The following ZNF138 variants were observed in gnomAD, a reference collection of about 807,000 sequenced individuals.
The protein encoded by ZNF138 is zinc finger protein 138.
Under a neutral mutation model 33.0 loss-of-function variants are expected in ZNF138, and 33 were observed. The observed-to-expected ratio is 1.00, with a 90% confidence interval of 0.76 to 1.34. ZNF138 has a LOEUF of 1.34. ZNF138 is among the 40% of genes most tolerant of loss of function. The pLI is 0.00. For missense variants in ZNF138, 360 were observed against 370.8 expected, an observed-to-expected ratio of 0.97 and a Z score of 0.24; for synonymous variants, 139 against 120.4, an observed-to-expected ratio of 1.15 and a Z score of -1.01.
At chr7:64,828,778 T>C (rs1317375534) in intron 3 of ZNF138, among the ~76,000 whole-genome samples, 1 of 19,856 alleles carries the variant, frequency 5.0e-5, no homozygotes, top group African/African-American at 1.3e-4. Flanking sequence ...CCTCCGACAT[T>C]GTTCCTTTTT....
At chr7:64,817,998 T>TA (rs201397838) in intron 3 of ZNF138, among the ~76,000 whole-genome samples, 11 of 114,042 alleles carry the variant, frequency 9.6e-5, no homozygotes, top group African/African-American at 2.5e-4. Context: ...TTATTATTAT[T>TA]TTTTTTTTTT....
chr7:64,807,979 A>G (rs1366927325), intron 1 of ZNF138, among the ~76,000 whole-genome samples: 1 of 152,212 alleles, frequency 6.6e-6, no homozygotes, highest in East Asian at 1.9e-4. Flanking sequence ...GCCAATCAAG[A>G]CAGGTGATCC....
At chr7:64,839,180 G>T in the ZNF138 span, among the ~76,000 whole-genome samples, 1 of 152,178 alleles carries the variant, frequency 6.6e-6, no homozygotes, top group Non-Finnish European at 1.5e-5. Context: ...GTGTGCCTTC[G>T]GGGGGCCAGC....
the ZNF138 span, among the ~76,000 whole-genome samples, chr7:64,848,318 T>G: frequency 6.6e-6 from 1 of 152,126 alleles, no homozygotes; most frequent in African/African-American, 2.4e-5. Flanking sequence ...CATTCCAAAC[T>G]TCTTGGAAGC....
chr7:64,794,709 C>T lies in ZNF138; in HGVS notation c.3+138C>T. The T allele has an allele frequency of 3.9e-6, 5 of 1,276,292 alleles. No individual in the cohort carries two copies. The South Asian group carries it at 5.2e-5, about 13-fold the overall frequency. The allele number at this position is 1,276,292 out of a possible 1,614,324, so 79.1% of individuals were successfully genotyped here. A position where few individuals can be genotyped will look rare whatever the true frequency, so the allele number is the denominator to read the frequency against. ...GCCCCGAGTTCTTGGCACAGCTCGG[C>T]CCTCAGTCCCCTTAAGCCATAGCAT... On this transcript the variant is annotated intron_variant, in intron 1 of 3. Transcript: ENST00000307355.
intron 3 of ZNF138, among the ~76,000 whole-genome samples, chr7:64,820,834 G>A (rs1789066301): frequency 6.6e-6 from 1 of 151,320 alleles, no homozygotes; most frequent in Non-Finnish European, 1.5e-5. Context: ...AAAGTGTTGA[G>A]ATTACAGGCG....
the ZNF138 span, among the ~76,000 whole-genome samples, chr7:64,847,729 T>G: frequency 6.6e-6 from 1 of 152,192 alleles, no homozygotes; most frequent in Non-Finnish European, 1.5e-5. Flanking sequence ...TCCATTACCT[T>G]AAGTTTATGT....
chr7:64,825,770 C>T (rs1789556817), intron 3 of ZNF138, among the ~76,000 whole-genome samples: 1 of 152,066 alleles, frequency 6.6e-6, no homozygotes, highest in Non-Finnish European at 1.5e-5. Context: ...ATCTCCTGAC[C>T]TGGTGATCTG....
chr7:64,814,256 T>C (rs1315307073), intron 1 of ZNF138: 1 of 505,518 alleles, frequency 2.0e-6, no homozygotes, highest in African/African-American at 2.1e-5. Flanking sequence ...ACTTGAGAGG[T>C]ACCTTTTAAC....
the ZNF138 span, among the ~76,000 whole-genome samples, chr7:64,841,122 G>A: frequency 7.2e-5 from 11 of 151,856 alleles, no homozygotes; most frequent in South Asian, 6.2e-4. Context: ...TGTCTCTTAC[G>A]ATTTTTTCTT....
chr7:64,841,612 C>G, the ZNF138 span, among the ~76,000 whole-genome samples: 2 of 152,172 alleles, frequency 1.3e-5, no homozygotes, highest in African/African-American at 4.8e-5. Flanking sequence ...AAGAGAAACT[C>G]TGTTTCTTTT....
chr7:64,805,401 A>AAAAAC (rs747013268), intron 1 of ZNF138, among the ~76,000 whole-genome samples: 1 of 14,474 alleles, frequency 6.9e-5, no homozygotes, highest in African/African-American at 8.3e-5. Flanking sequence ...TCTGTCTCAA[A>AAAAAC]AAAACAAAAC....
downstream of ZNF138, among the ~76,000 whole-genome samples, chr7:64,834,194 G>C (rs982812771): frequency 1.3e-5 from 2 of 152,018 alleles, no homozygotes; most frequent in African/African-American, 4.8e-5. Flanking sequence ...TTATATCGGA[G>C]AAAAACTACA....
intron 1 of ZNF138, chr7:64,814,013 CAT>C (rs1788405717): frequency 8.5e-7 from 1 of 1,179,688 alleles, no homozygotes; most frequent in Admixed American, 4.0e-5. Flanking sequence ...GTTTCCTTTG[CAT>C]ATATCTGTCT....
chr7:64,838,300 G>T (rs1401643907), downstream of ZNF138, among the ~76,000 whole-genome samples: 3 of 152,206 alleles, frequency 2.0e-5, no homozygotes, highest in African/African-American at 7.2e-5. Context: ...TTAGGGCACG[G>T]GCGTGTTGGC....
chr7:64,860,007 C>T, the ZNF138 span, among the ~76,000 whole-genome samples: 4 of 152,176 alleles, frequency 2.6e-5, no homozygotes, highest in East Asian at 5.8e-4. Flanking sequence ...CATGGTGGCA[C>T]GCACCTATGA....
chr7:64,823,615 A>G (rs1303384564), intron 3 of ZNF138, among the ~76,000 whole-genome samples: 1 of 152,194 alleles, frequency 6.6e-6, no homozygotes, highest in Non-Finnish European at 1.5e-5. Flanking sequence ...GATTATAGGC[A>G]TGAACCACTG....
In ZNF138 at chr7:64,833,556, TTCAGAAAATG is replaced by T. The variant is rs1327673582; in HGVS notation, c.*1356_*1365del. On this transcript the variant is annotated 3_prime_UTR_variant, in exon 4 of 4. Coordinates refer to ENST00000307355, the MANE Select transcript of ZNF138 (RefSeq NM_001271639.2). ...TTATTGCACAGGAAAGCATTTATAC[TTCAGAAAATG>T]TTGTACTGATATAAAGAATGTAGAA... is the stretch of plus-strand genomic sequence containing the variant. 1 of 156,474 alleles carries T rather than the reference TTCAGAAAATG, an allele frequency of 6.4e-6. No individual in the cohort carries two copies. The highest frequency in any genetic ancestry group is 1.4e-5 in the Non-Finnish European group (1 of 71,194). The allele number at this position is 156,474 out of a possible 1,614,324, so 9.7% of individuals were successfully genotyped here. A position where few individuals can be genotyped will look rare whatever the true frequency, so the allele number is the denominator to read the frequency against.
intron 3 of ZNF138, among the ~76,000 whole-genome samples, chr7:64,824,808 AATAAAG>A (rs1440817427): frequency 1.3e-5 from 2 of 152,100 alleles, no homozygotes; most frequent in Non-Finnish European, 2.9e-5. Flanking sequence ...ATTTGCATAG[AATAAAG>A]ATATTTTCCA....
Sources: allele counts gnomAD v4.1 joint callset (sites outside exome capture counted in the v4.1 genomes callset), GRCh38; gene constraint gnomAD v4.1.1; transcripts MANE v1.5; gene names NCBI Gene and HGNC (gene_info 2026-07-23, HGNC 2026-07-21).